PCGF5: variants seen among roughly 807,000 people sequenced by gnomAD.
The protein encoded by PCGF5 is polycomb group ring finger 5, also known as polycomb group RING finger protein 5.
A neutral mutation model predicts 44.3 loss-of-function variants in PCGF5; 9 were observed. That is an observed-to-expected ratio of 0.20 (90% CI 0.12 to 0.35). The LOEUF (loss-of-function observed/expected upper bound fraction) is 0.35. Ranked by LOEUF, PCGF5 falls within the 10% of genes least tolerant of loss-of-function variation. The pLI is 1.00. For synonymous variants in PCGF5, 95 were observed against 102.5 expected (o/e 0.93, Z 0.44); for missense variants, 146 against 305.3 (o/e 0.48, Z 3.89).
At chr10:91,168,929 G>GAAAA (rs57345364) in intron 1 of PCGF5, among the ~76,000 whole-genome samples, 4 of 56,202 alleles carry the variant, frequency 7.1e-5, no homozygotes, top group Non-Finnish European at 1.3e-4. Context: ...CTCCGTCTCA[G>GAAAA]AAAAAAAAAA....
chr10:91,165,864 G>A (rs916401752), intron 1 of PCGF5, among the ~76,000 whole-genome samples: 19 of 152,094 alleles, frequency 1.2e-4, no homozygotes, highest in Admixed American at 1.3e-4. Context: ...CAACTTTGGA[G>A]GCATGTTAAT....
chr10:91,244,335 G>A (rs1176005589), intron 3 of PCGF5, among the ~76,000 whole-genome samples: 1 of 152,190 alleles, frequency 6.6e-6, no homozygotes, highest in Non-Finnish European at 1.5e-5. Context: ...AGCAGCCAGT[G>A]CAGAGTGCCT....
intron 1 of PCGF5, among the ~76,000 whole-genome samples, chr10:91,176,793 A>G (rs1843715921): frequency 6.6e-6 from 1 of 152,138 alleles, no homozygotes; most frequent in South Asian, 2.1e-4. Flanking sequence ...TGGTTATTCT[A>G]GTTAGCCATT....
chr10:91,218,068 T>C (rs371501310), upstream of PCGF5, among the ~76,000 whole-genome samples: 31 of 152,220 alleles, frequency 2.0e-4, no homozygotes, highest in African/African-American at 4.8e-4. Context: ...ATTACAGGCG[T>C]GAGCCACCGT....
chr10:91,261,985 G>A (rs1845924098), intron 7 of PCGF5, among the ~76,000 whole-genome samples: 1 of 152,182 alleles, frequency 6.6e-6, no homozygotes, highest in South Asian at 2.1e-4. Context: ...CTTTTCATGT[G>A]TTCCATGTTT....
the PCGF5 span, among the ~76,000 whole-genome samples, chr10:91,156,410 C>G: frequency 6.6e-6 from 1 of 151,968 alleles, no homozygotes; most frequent in Non-Finnish European, 1.5e-5. Flanking sequence ...TAGTAGAAAC[C>G]AAAAGAATTA....
At chr10:91,206,696 A>G (rs1275674063) in intron 1 of PCGF5, among the ~76,000 whole-genome samples, 2 of 152,010 alleles carry the variant, frequency 1.3e-5, no homozygotes, top group Non-Finnish European at 2.9e-5. Flanking sequence ...CCTGTGGGGG[A>G]CTGCATGGTC....
rs370759691 is a variant in PCGF5 at position 91,283,249 on chromosome 10, G to A, written c.*4933G>A. On this transcript the variant is annotated 3_prime_UTR_variant, in exon 10 of 10. Transcript: ENST00000336126. ...ATTTTCAAATAAAATTAAAATGCTC[G>A]AGCACTTCCTTTCAGAAAGTTATAA... 7.9e-5 allele frequency: 12 copies of A among 152,008 alleles called. No homozygotes were observed. In the East Asian group the frequency reaches 1.2e-3, roughly 15 times the overall value. The allele number at this position is 152,008 out of a possible 1,614,324, so 9.4% of individuals were successfully genotyped here. A position where few individuals can be genotyped will look rare whatever the true frequency, so the allele number is the denominator to read the frequency against.
chr10:91,236,118 A>C (rs570865391), intron 2 of PCGF5, among the ~76,000 whole-genome samples: 2 of 152,214 alleles, frequency 1.3e-5, no homozygotes, highest in East Asian at 3.9e-4. Flanking sequence ...ATATGATATG[A>C]ATTTTTGATT....
At chr10:91,171,924 T>C (rs948818775) in intron 1 of PCGF5, among the ~76,000 whole-genome samples, 2 of 152,298 alleles carry the variant, frequency 1.3e-5, no homozygotes, top group Admixed American at 6.5e-5. Flanking sequence ...TTTAAAACTA[T>C]GGAATACACC....
chr10:91,259,620 G>A (rs368208012), intron 6 of PCGF5, among the ~76,000 whole-genome samples: 4 of 152,112 alleles, frequency 2.6e-5, no homozygotes, highest in South Asian at 2.1e-4. Flanking sequence ...ACCAAAACAG[G>A]GATATAGACC....
intron 2 of PCGF5, among the ~76,000 whole-genome samples, chr10:91,236,727 G>A (rs570155421): frequency 1.8e-4 from 27 of 152,280 alleles, no homozygotes; most frequent in African/African-American, 4.6e-4. Context: ...AAGCATCTAT[G>A]GGAAACCAAA....
chr10:91,203,009 T>C (rs1288444377), intron 1 of PCGF5, among the ~76,000 whole-genome samples: 1 of 152,100 alleles, frequency 6.6e-6, no homozygotes, highest in Non-Finnish European at 1.5e-5. Flanking sequence ...AGGCCAAACA[T>C]GATTTAAAAA....
Position 91,278,925 on chromosome 10 carries a change from G to A in PCGF5, c.*609G>A, listed in dbSNP as rs1322308037. 6.6e-6 allele frequency: 1 copy of A among 152,654 alleles called. No homozygotes were observed. The highest frequency in any genetic ancestry group is 1.5e-5 in the Non-Finnish European group (1 of 68,104). 9.5% of individuals were successfully genotyped at this position (152,654 alleles called of 1,614,324 possible). ...CACAATATAATTGTAGACATTCTAA[G>A]CATCTGTCCGTGTAGTCTACCAATT... is the stretch of plus-strand genomic sequence containing the variant. On this transcript the variant is annotated 3_prime_UTR_variant, in exon 10 of 10. Transcript: ENST00000336126.
chr10:91,183,172 A>T (rs1284447948), intron 1 of PCGF5, among the ~76,000 whole-genome samples: 1 of 152,032 alleles, frequency 6.6e-6, no homozygotes, highest in Middle Eastern at 3.2e-3. Context: ...TGTCTCAATG[A>T]TCTAATATTG....
At chr10:91,250,138 G>T (rs762032493) in intron 5 of PCGF5, among the ~76,000 whole-genome samples, 2 of 151,954 alleles carry the variant, frequency 1.3e-5, no homozygotes, top group Non-Finnish European at 2.9e-5. Context: ...CTTGGGTGGA[G>T]AATTCAGATT....
chr10:91,273,496 T>C (rs1303210889), intron 9 of PCGF5, among the ~76,000 whole-genome samples: 1 of 152,228 alleles, frequency 6.6e-6, no homozygotes, highest in East Asian at 1.9e-4. Context: ...CTTCAACACC[T>C]CATTAATGGC....
In PCGF5 at chr10:91,213,026, G is replaced by A. The variant is rs59576804; in HGVS notation, c.-183-9663G>A. Reference sequence around the variant, plus strand: ...TCACAATAAGTTATACTTCCTAAGCGCTGCTCGTCTGTATCTTATTCTGAA... The same window carrying A: ...TCACAATAAGTTATACTTCCTAAGCACTGCTCGTCTGTATCTTATTCTGAA... On this transcript the variant is annotated intron_variant, in intron 1 of 9. Transcript: ENST00000614189. Among the ~76,000 whole-genome samples, 1,302 of 152,208 alleles carry A rather than the reference G, an allele frequency of 8.6e-3. 17 individuals are homozygous for A. The highest frequency in any genetic ancestry group is 0.03 in the African/African-American group (1,237 of 41,530).
Position 91,261,326 on chromosome 10 carries a change from G to T in PCGF5, c.475G>T (p.Gly159Cys). ...NGQSGDNVVKGLMKKFIRCST... is the reference protein window; with the variant it reads ...NGQSGDNVVKCLMKKFIRCST... ...AACTGGTAATCTTTATTTCCTTTAG[G>T]GTTTAATGAAGAAATTCATTCGATG... The change falls in exon 7 of 10, where the codon GGT (glycine) becomes TGT (cysteine). Residue 159 changes from glycine to cysteine, a missense_variant and splice_region_variant. By Grantham distance (159) the Gly-to-Cys change is radical. Coordinates refer to ENST00000336126, the MANE Select transcript of PCGF5 (RefSeq NM_032373.5). 6.7e-7 allele frequency: 1 copy of T among 1,496,000 alleles called. No homozygotes were observed. Among genetic ancestry groups the T allele is most frequent in the Non-Finnish European group, 9.0e-7 (1 of 1,111,080 alleles). The allele number at this position is 1,496,000 out of a possible 1,614,324, so 92.7% of individuals were successfully genotyped here.
Sources: gnomAD v4.1 joint callset for allele counts (sites outside exome capture counted in the v4.1 genomes callset) on GRCh38, gnomAD v4.1.1 for gene constraint, MANE v1.5 for transcripts, NCBI Gene and HGNC (gene_info 2026-07-23, HGNC 2026-07-21) for gene names.